Variants in PGM5 observed in about 807,000 individuals in gnomAD.
PGM5 encodes the protein phosphoglucomutase-like protein 5.
In PGM5, 23 loss-of-function variants were observed where a neutral mutation model predicts 59.2. The observed-to-expected ratio is 0.39, with a 90% CI of 0.28 to 0.55. PGM5 has a LOEUF of 0.55. PGM5 is among the 20% of genes least tolerant of loss of function. The pLI is 0.66. For synonymous variants in PGM5, 214 were observed against 286.0 expected (o/e 0.75, Z 2.54); for missense variants, 574 against 748.3 (o/e 0.77, Z 2.72).
At chr9:68,509,762 A>T (rs1022278690) in intron 10 of PGM5, among the ~76,000 whole-genome samples, 24 of 152,178 alleles carry the variant, frequency 1.6e-4, no homozygotes, top group Non-Finnish European at 2.9e-4. Context: ...TCTGGGGCAC[A>T]GGGACTGTCC....
intron 2 of PGM5, among the ~76,000 whole-genome samples, chr9:68,380,528 C>A (rs1587779947): frequency 6.6e-6 from 1 of 151,690 alleles, no homozygotes; most frequent in South Asian, 2.1e-4. Flanking sequence ...TAACATTATG[C>A]CCCAAGGAGC....
At chr9:68,399,944 T>TTATGGTA (rs1554680431) in intron 6 of PGM5, among the ~76,000 whole-genome samples, 22 of 152,168 alleles carry the variant, frequency 1.4e-4, no homozygotes, top group Non-Finnish European at 2.9e-4. Context: ...GAATAATCCC[T>TTATGGTA]CATTCCAGAT....
intron 6 of PGM5, among the ~76,000 whole-genome samples, chr9:68,422,184 C>A (rs1239246123): frequency 1.3e-5 from 2 of 151,962 alleles, no homozygotes; most frequent in Admixed American, 6.6e-5. Context: ...GTAGGAGGAA[C>A]AATCTCAACA....
In PGM5 at chr9:68,491,268, G is replaced by A. The variant is rs554761225; in HGVS notation, c.1479+7220G>A. ...GAAGAACTTATTTGGTGTGCATAGC[G>A]GGGGAAACTAGACTAGGGCTCTAGA... On this transcript the variant is annotated intron_variant, in intron 9 of 10. Transcript: ENST00000396396. Among the ~76,000 whole-genome samples, 13 of 152,306 alleles carry A rather than the reference G, an allele frequency of 8.5e-5. No individual in the cohort carries two copies. In the South Asian group the frequency reaches 2.3e-3, roughly 27 times the overall value.
chr9:68,376,827 TTCTTTC>T (rs1327788315), intron 1 of PGM5, among the ~76,000 whole-genome samples: 6 of 106,876 alleles, frequency 5.6e-5, no homozygotes, highest in East Asian at 2.5e-4. Context: ...CTTTCTTTCT[TTCTTTC>T]TCTTTCTTTC....
At chr9:68,440,087 G>C (rs1554683601) in intron 6 of PGM5, among the ~76,000 whole-genome samples, 1 of 152,160 alleles carries the variant, frequency 6.6e-6, no homozygotes, top group Non-Finnish European at 1.5e-5. Context: ...AAAATGGACA[G>C]AATGGAAAAG....
chr9:68,525,382 C>T (rs575104740), intron 10 of PGM5, among the ~76,000 whole-genome samples: 8 of 152,256 alleles, frequency 5.3e-5, no homozygotes, highest in African/African-American at 1.9e-4. Flanking sequence ...CTCATTCTAG[C>T]ACATATATAC....
intron 9 of PGM5, among the ~76,000 whole-genome samples, chr9:68,493,444 A>C (rs1228315544): frequency 6.6e-6 from 1 of 152,234 alleles, no homozygotes; most frequent in Non-Finnish European, 1.5e-5. Flanking sequence ...CATATGGTTC[A>C]ACCTCAGATT....
chr9:68,439,807 G>A (rs988542231), intron 6 of PGM5, among the ~76,000 whole-genome samples: 7 of 151,828 alleles, frequency 4.6e-5, no homozygotes, highest in Non-Finnish European at 8.8e-5. Flanking sequence ...GAACCAAAAA[G>A]AGTCCCAGGG....
intron 9 of PGM5, among the ~76,000 whole-genome samples, chr9:68,490,048 T>C (rs1554687788): frequency 6.6e-6 from 1 of 152,252 alleles, no homozygotes; most frequent in East Asian, 1.9e-4. Context: ...TTAGCGTTGT[T>C]ATTTTAATTT....
At chr9:68,508,522 C>A (rs1449832019) in intron 10 of PGM5, among the ~76,000 whole-genome samples, 1 of 152,186 alleles carries the variant, frequency 6.6e-6, no homozygotes, top group Non-Finnish European at 1.5e-5. Context: ...ACCAAAATAT[C>A]TTTTGTTTTG....
Position 68,357,146 on chromosome 9 carries a change from C to A in PGM5, c.19C>A (p.Pro7Thr), listed in dbSNP as rs1554675772. 2.0e-6 allele frequency: 3 copies of A among 1,531,576 alleles called. No homozygotes were observed. Among genetic ancestry groups the A allele is most frequent in the Non-Finnish European group, 2.6e-6 (3 of 1,143,834 alleles). The allele number at this position is 1,531,576 out of a possible 1,614,324, so 94.9% of individuals were successfully genotyped here. ...AGGCGCCATGGAGGGGAGCCCCATC[C>A]CGGTGCTGACAGTGCCCACCGCGCC... MEGSPI[P>T]VLTVPTAPYE... Residue 7 changes from proline (P) to threonine (T), a missense_variant, in exon 1 of 11, where the codon CCG (proline) becomes ACG (threonine). Coordinates refer to ENST00000396396, the MANE Select transcript of PGM5 (RefSeq NM_021965.4).
At chr9:68,415,681 GTTTA>G (rs1210293855) in intron 6 of PGM5, among the ~76,000 whole-genome samples, 3 of 119,976 alleles carry the variant, frequency 2.5e-5, no homozygotes, top group African/African-American at 6.3e-5. Flanking sequence ...ATAGCACCTT[GTTTA>G]TTTATGCTTT....
chr9:68,420,397 G>A (rs1414040025), intron 6 of PGM5, among the ~76,000 whole-genome samples: 2 of 152,156 alleles, frequency 1.3e-5, no homozygotes, highest in African/African-American at 2.4e-5. Context: ...TATTATCTAT[G>A]AGGACTGTAA....
intron 4 of PGM5, among the ~76,000 whole-genome samples, chr9:68,390,438 G>A (rs1331046087): frequency 6.6e-6 from 1 of 152,164 alleles, no homozygotes; most frequent in East Asian, 1.9e-4. Flanking sequence ...TAGCCTTGGG[G>A]AGGTGGGATT....
chr9:68,451,737 C>T (rs564806912), intron 6 of PGM5, among the ~76,000 whole-genome samples: 46 of 152,338 alleles, frequency 3.0e-4, no homozygotes, highest in Admixed American at 2.9e-3. Context: ...CTTCCTGCTA[C>T]ACCAGAATTG....
chr9:68,376,835 C>CTTTCTCTTTCTTTCTTTCTTTCT (rs1563984874), intron 1 of PGM5, among the ~76,000 whole-genome samples: 21 of 58,608 alleles, frequency 3.6e-4, no homozygotes, highest in African/African-American at 1.5e-3. Context: ...CTTTCTTTCT[C>CTTTCTCTTTCTTTCTTTCTTTCT]TTTCTTTCTT....
At chr9:68,425,802 T>G (rs1445859011) in intron 6 of PGM5, among the ~76,000 whole-genome samples, 1 of 152,198 alleles carries the variant, frequency 6.6e-6, no homozygotes, top group Non-Finnish European at 1.5e-5. Context: ...GTCTTGACTT[T>G]CATTGTAAGT....
chr9:68,406,335 G>T (rs1213380998), intron 6 of PGM5: 1 of 151,176 alleles, frequency 6.6e-6, no homozygotes, highest in Admixed American at 6.6e-5. Context: ...AAGGTCCAGG[G>T]GCATAACAGG....
Sources: gnomAD v4.1 joint callset for allele counts (sites outside exome capture counted in the v4.1 genomes callset) on GRCh38, gnomAD v4.1.1 for gene constraint, MANE v1.5 for transcripts, NCBI Gene and HGNC (gene_info 2026-07-23, HGNC 2026-07-21) for gene names.